The following USP9Y variants were observed in gnomAD, a reference collection of about 807,000 sequenced individuals.
USP9Y encodes the protein ubiquitin carboxyl-terminal hydrolase 9Y.
A neutral mutation model predicts 53.1 loss-of-function variants in USP9Y; 41 were observed. The observed-to-expected ratio is 0.77, with a 90% CI of 0.60 to 1.00. The LOEUF (loss-of-function observed/expected upper bound fraction) is 1.00, where lower values mean the gene tolerates loss of function less well. Among genes scored for constraint, USP9Y ranks in the 50% least tolerant of loss-of-function variants. The pLI is 0.00. For synonymous variants in USP9Y, 220 were observed against 173.7 expected, an observed-to-expected ratio of 1.27 and a Z score of -2.09; for missense variants, 567 against 535.8, an observed-to-expected ratio of 1.06 and a Z score of -0.58.
intron 42 of USP9Y, among the ~76,000 whole-genome samples, chrY:12,849,524 C>T (rs2053570157): frequency 3.1e-5 from 1 of 31,779 alleles, no homozygotes; most frequent in Non-Finnish European, 7.6e-5. Context: ...TGTGTTGTAC[C>T]GGTTTTCAAA....
intron 42 of USP9Y, among the ~76,000 whole-genome samples, chrY:12,848,972 T>C (rs960017764): frequency 3.0e-5 from 1 of 33,660 alleles, no homozygotes; most frequent in Non-Finnish European, 7.4e-5. Context: ...AACTTTGAAG[T>C]AGTTTTTTCC....
At chrY:12,755,490 A>G in intron 12 of USP9Y, among the ~76,000 whole-genome samples, 1 of 32,767 alleles carries the variant, frequency 3.1e-5, no homozygotes, top group East Asian at 8.0e-4. Flanking sequence ...GTTACACTTA[A>G]TAATACAAAG....
chrY:12,782,038 C>CT lies in USP9Y; in HGVS notation c.3151+2403dup, dbSNP rs2053498789. ...AGCAACAGCCATACAAAATGTAATC[C>CT]TTTTTTTTTTTGAGACAGTTTCACT... On this transcript the variant is annotated intron_variant, in intron 22 of 45. Coordinates refer to ENST00000338981, the MANE Select transcript of USP9Y (RefSeq NM_004654.4). Among the ~76,000 whole-genome samples the CT allele has an allele frequency of 1.7e-3, 49 of 29,364 alleles. No individual in the cohort carries two copies. The Middle Eastern group carries it at 0.047, about 28-fold the overall frequency. The allele number at this position is 29,364 out of a possible 37,273, so 78.8% of individuals were successfully genotyped here. A position where few individuals can be genotyped will look rare whatever the true frequency, so the allele number is the denominator to read the frequency against.
At chrY:12,836,979 T>C in intron 34 of USP9Y, among the ~76,000 whole-genome samples, 1 of 32,893 alleles carries the variant, frequency 3.0e-5, no homozygotes, top group Non-Finnish European at 7.4e-5. Flanking sequence ...GTGCTGAGAT[T>C]ACAGGCATGA....
chrY:12,791,773 A>G, intron 26 of USP9Y, 149 bp downstream of exon 26: 1 of 125,324 alleles, frequency 8.0e-6, no homozygotes, highest in South Asian at 7.8e-5. Context: ...AAATGAGAAT[A>G]TATTGTTTTA....
chrY:12,776,089 C>T, intron 18 of USP9Y, among the ~76,000 whole-genome samples: 1 of 32,063 alleles, frequency 3.1e-5, no homozygotes, highest in Non-Finnish European at 7.6e-5. Flanking sequence ...TCTTCAGCCT[C>T]CCAAAGTGCT....
At chrY:12,836,215 A>G (rs770968203) in intron 34 of USP9Y, among the ~76,000 whole-genome samples, 1 of 33,718 alleles carries the variant, frequency 3.0e-5, no homozygotes, top group Admixed American at 2.8e-4. Context: ...ACACATTAGG[A>G]AAGTGTTTAT....
intron 27 of USP9Y, among the ~76,000 whole-genome samples, chrY:12,796,963 G>C: frequency 3.0e-5 from 1 of 33,471 alleles, no homozygotes; most frequent in Admixed American, 2.7e-4. Context: ...ATGCAGCCCA[G>C]TAGATCTCAG....
chrY:12,730,648 A>G (rs2053446514), intron 7 of USP9Y, among the ~76,000 whole-genome samples: 1 of 31,347 alleles, frequency 3.2e-5, no homozygotes, highest in African/African-American at 1.3e-4. Context: ...ATGCCCTGCT[A>G]ATTTTTGTAT....
chrY:12,723,399 T>A (rs201756649), intron 5 of USP9Y, among the ~76,000 whole-genome samples: 26 of 26,377 alleles, frequency 9.9e-4, no homozygotes, highest in South Asian at 2.8e-3. Flanking sequence ...ATTTTATTTT[T>A]TTTTTTTTTG....
intron 1 of USP9Y, 54 bp from the exon 2 acceptor site, chrY:12,708,580 G>T (rs2148278778): frequency 2.9e-5 from 1 of 33,921 alleles, no homozygotes; most frequent in Admixed American, 2.7e-4. Flanking sequence ...TGTGTTGACT[G>T]TGCATTGTCT....
Position 12,739,613 on chromosome Y carries a change from T to C in USP9Y, c.1406T>C (p.Leu469Pro). The change falls in exon 12 of 46, where the codon CTT becomes CCT. Residue 469 changes from leucine to proline, a missense_variant. Leu to Pro is a moderately conservative substitution (Grantham distance 98). Transcript: ENST00000338981. ...TTTTCTCCTGGACAACTTGATCATC[T>C]TTTTGATTGCTTTAAGGTAGTAGCT... ...WDFSPGQLDH[L>P]FDCFKASWTN... 2.6e-6 allele frequency: 1 copy of C among 390,709 alleles called. No homozygotes were observed. The highest frequency in any genetic ancestry group is 3.6e-6 in the Non-Finnish European group (1 of 276,543).
At chrY:12,721,925 G>A in intron 4 of USP9Y, among the ~76,000 whole-genome samples, 183 bp from the exon 5 acceptor site, 1 of 33,230 alleles carries the variant, frequency 3.0e-5, no homozygotes, top group African/African-American at 1.2e-4. Context: ...CACAATAGAT[G>A]TCTCTTAGTT....
At chrY:12,739,683 C>A in intron 12 of USP9Y, 54 bp downstream of exon 12, 1 of 249,045 alleles carries the variant, frequency 4.0e-6, no homozygotes, top group Non-Finnish European at 6.5e-6. Flanking sequence ...CCAGTTAATT[C>A]TAAGTAAAGT....
At chrY:12,800,654 G>T in intron 27 of USP9Y, among the ~76,000 whole-genome samples, 2 of 33,851 alleles carry the variant, frequency 5.9e-5, no homozygotes, top group African/African-American at 2.3e-4. Flanking sequence ...AGGAGTTTCT[G>T]CATTTAAGTG....
intron 24 of USP9Y, among the ~76,000 whole-genome samples, chrY:12,787,005 C>T: frequency 6.0e-5 from 2 of 33,201 alleles, no homozygotes; most frequent in Admixed American, 2.8e-4. Context: ...TGACTGTTGC[C>T]TATCCTACTT....
At chrY:12,750,382 A>G (rs2053463386) in intron 12 of USP9Y, among the ~76,000 whole-genome samples, 1 of 33,175 alleles carries the variant, frequency 3.0e-5, no homozygotes, top group Non-Finnish European at 7.4e-5. Context: ...TTCTTTTCCA[A>G]TTATATAACT....
At chrY:12,767,733 CT>C (rs2053481458) in intron 15 of USP9Y, among the ~76,000 whole-genome samples, 1 of 32,464 alleles carries the variant, frequency 3.1e-5, no homozygotes, top group Non-Finnish European at 7.5e-5. Flanking sequence ...AACAATTCAG[CT>C]TTTTCTTGTG....
At chrY:12,704,572 TA>T (rs2148278449) in intron 1 of USP9Y, among the ~76,000 whole-genome samples, 1 of 33,852 alleles carries the variant, frequency 3.0e-5, no homozygotes, top group South Asian at 6.5e-4. Context: ...GGATTTGTGA[TA>T]CGTATTCTTT....
Sources: allele counts gnomAD v4.1 joint callset (sites outside exome capture counted in the v4.1 genomes callset), GRCh38; gene constraint gnomAD v4.1.1; transcripts MANE v1.5; gene names NCBI Gene and HGNC (gene_info 2026-07-23, HGNC 2026-07-21).